ANXA2: variants seen among roughly 807,000 people sequenced by gnomAD.
ANXA2 encodes the protein annexin A2.
ANXA2 carries 28 observed loss-of-function variants against 47.3 expected under a neutral mutation model. That is an observed-to-expected ratio of 0.59 (90% CI 0.44 to 0.81). ANXA2 has a LOEUF of 0.81. ANXA2 is among the 40% of genes least tolerant of loss of function. The probability of loss-of-function intolerance (pLI) is 0.00; values close to 1 mark genes in which losing one functional copy is unlikely to be tolerated. For synonymous variants in ANXA2, 172 were observed against 155.5 expected (o/e 1.11, Z -0.79); for missense variants, 384 against 414.3 (o/e 0.93, Z 0.64).
chr15:60,386,121 G>A (rs1322735679), intron 1 of ANXA2, 35 bp from the exon 2 acceptor site: 1 of 1,491,296 alleles, frequency 6.7e-7, no homozygotes, highest in East Asian at 2.3e-5. Flanking sequence ...TCTTTATGAA[G>A]AGGCTCTCCT....
At chr15:60,382,836 G>T in intron 2 of ANXA2, 1 of 157,902 alleles carries the variant, frequency 6.3e-6, no homozygotes, top group East Asian at 1.8e-4. Context: ...AGGGTGTTTA[G>T]CTAAGTTTCT....
chr15:60,396,251 C>T (rs1413039899), intron 1 of ANXA2: 1 of 152,150 alleles, frequency 6.6e-6, no homozygotes, highest in East Asian at 1.9e-4. Context: ...AGACTCCTCT[C>T]GGTTGCTGAG....
At chr15:60,387,398 T>G (rs1257776724) in intron 1 of ANXA2, among the ~76,000 whole-genome samples, 4 of 152,208 alleles carry the variant, frequency 2.6e-5, no homozygotes, top group African/African-American at 9.6e-5. Context: ...TAATTCTGGT[T>G]TGTAAAAAGT....
chr15:60,361,105 T>A, intron 4 of ANXA2, 51 bp from the exon 5 acceptor site: 2 of 1,292,092 alleles, frequency 1.5e-6, no homozygotes, highest in Non-Finnish European at 2.2e-6. Context: ...ACTTTAAAAC[T>A]AGTGAGTAAA....
At chr15:60,360,849 C>G (rs1012174803) in intron 5 of ANXA2, 92 bp downstream of exon 5, 10 of 838,908 alleles carry the variant, frequency 1.2e-5, no homozygotes, top group African/African-American at 1.0e-4. Flanking sequence ...GAGAATTCAA[C>G]AAAACTGAAA....
chr15:60,394,696 C>T (rs953746981), intron 1 of ANXA2: 1 of 112,770 alleles, frequency 8.9e-6, no homozygotes, highest in African/African-American at 3.0e-5. Flanking sequence ...CAGGCTCCAT[C>T]TCAAAAGAAA....
intron 3 of ANXA2, among the ~76,000 whole-genome samples, chr15:60,377,272 A>C (rs1294615786): frequency 6.6e-6 from 1 of 152,210 alleles, no homozygotes; most frequent in African/African-American, 2.4e-5. Context: ...GAGAAGGAGG[A>C]AGGAACAAAA....
At position 60,347,531 on chromosome 15, in the gene ANXA2, G is replaced by A; in HGVS notation, c.*99C>T. The A allele has an allele frequency of 2.5e-6, 3 of 1,194,130 alleles. No homozygotes were observed. Among genetic ancestry groups the A allele is most frequent in the Non-Finnish European group, 3.7e-6 (3 of 807,416 alleles). The allele number at this position is 1,194,130 out of a possible 1,614,324, so 74.0% of individuals were successfully genotyped here. On this transcript the variant is annotated 3_prime_UTR_variant, in exon 13 of 13. Coordinates refer to ENST00000451270, the MANE Select transcript of ANXA2 (RefSeq NM_004039.3). ...GGTAATGCTAACGTCACCCTCACAG[G>A]GATGGCCACGGGGACTGTTATTCGC...
At chr15:60,379,783 T>G (rs140148327) in intron 3 of ANXA2, among the ~76,000 whole-genome samples, 1 of 152,236 alleles carries the variant, frequency 6.6e-6, no homozygotes, top group East Asian at 1.9e-4. Flanking sequence ...TTGATCAAAC[T>G]GGAATGTCGG....
chr15:60,384,155 C>T (rs967241734), intron 2 of ANXA2: 1 of 152,190 alleles, frequency 6.6e-6, no homozygotes, highest in Middle Eastern at 3.2e-3. Context: ...TTGAAATACT[C>T]AGTGTGTTTG....
At position 60,393,087 on chromosome 15, in the gene ANXA2, G is replaced by T. The variant is rs1008819119; in HGVS notation, c.-12+4856C>A. On this transcript the variant is annotated intron_variant, in intron 1 of 12. Coordinates refer to ENST00000451270, the MANE Select transcript of ANXA2 (RefSeq NM_004039.3). ...CCTTGGTTTTATGGTCTTGATTAAT[G>T]ACTGAGTCACAGGGCCAACTCATTC... 2.3e-6 allele frequency: 3 copies of T among 1,287,416 alleles called. No homozygotes were observed. In the Middle Eastern group the frequency reaches 6.4e-4, roughly 275 times the overall value. The allele number at this position is 1,287,416 out of a possible 1,614,324, so 79.7% of individuals were successfully genotyped here. A position where few individuals can be genotyped will look rare whatever the true frequency, so the allele number is the denominator to read the frequency against.
intron 1 of ANXA2, among the ~76,000 whole-genome samples, chr15:60,391,675 T>A (rs2063012924): frequency 6.6e-6 from 1 of 152,242 alleles, no homozygotes; most frequent in Non-Finnish European, 1.5e-5. Flanking sequence ...GTGTACTTAC[T>A]GTTTTGAATG....
chr15:60,348,999 C>G (rs1895858888), intron 12 of ANXA2, 76 bp downstream of exon 12: 1 of 1,578,312 alleles, frequency 6.3e-7, no homozygotes, highest in South Asian at 1.1e-5. Context: ...ACTCTGTCAT[C>G]ATTCTGCCAG....
chr15:60,384,726 T>C (rs1458359541), intron 2 of ANXA2: 1 of 152,246 alleles, frequency 6.6e-6, no homozygotes, highest in Non-Finnish European at 1.5e-5. Context: ...TTATACTCCA[T>C]ACAACCTGTG....
chr15:60,361,048 C>T lies in ANXA2; in HGVS notation c.250G>A (p.Ala84Thr), dbSNP rs2062505237. Reference sequence around the variant, plus strand: ...GATAAGGCTGACTTCAGTGCTGATGCAAGTTCCTTCAAGATAACAGGCAAT... The same window carrying T: ...GATAAGGCTGACTTCAGTGCTGATGTAAGTTCCTTCAAGATAACAGGCAAT... ...AYQRRTKKEL[A>T]SALKSALSGH... is the part of the protein sequence containing the mutation. The change falls in exon 5 of 13, where the codon GCA becomes ACA. Residue 84 changes from alanine to threonine, a missense_variant. Ala to Thr is a moderately conservative substitution (Grantham distance 58, BLOSUM62 0). Transcript: ENST00000451270. 6.2e-7 allele frequency: 1 copy of T among 1,604,422 alleles called. No homozygotes were observed. Among genetic ancestry groups the T allele is most frequent in the South Asian group, 1.1e-5 (1 of 90,858 alleles).
intron 3 of ANXA2, among the ~76,000 whole-genome samples, chr15:60,381,474 C>T (rs988400099): frequency 7.9e-5 from 12 of 152,100 alleles, no homozygotes; most frequent in Non-Finnish European, 1.2e-4. Context: ...TTAATATAAG[C>T]CCAGAAAGTC....
At chr15:60,353,195 T>G (rs2062375235) in intron 8 of ANXA2, among the ~76,000 whole-genome samples, 1 of 152,254 alleles carries the variant, frequency 6.6e-6, no homozygotes, top group African/African-American at 2.4e-5. Flanking sequence ...TATGACTTAC[T>G]TTGAGATAAT....
chr15:60,382,727 AC>A (rs1194691301), intron 2 of ANXA2: 5 of 238,292 alleles, frequency 2.1e-5, no homozygotes, highest in Non-Finnish European at 3.4e-5. Flanking sequence ...AAAGCTGGAG[AC>A]CTGAAGCCAG....
Position 60,349,122 on chromosome 15 carries a change from A to G in ANXA2, c.913T>C (p.Ser305Pro), listed in dbSNP as rs867892241. ...TTGCCGTACTTTCTCTTGAATTCAG[A>G]CCTAATTTTCAACATGTCCACTTCA... ...RSEVDMLKIR[S>P]EFKRKYGKSL... is the part of the protein sequence containing the mutation. The change falls in exon 12 of 13, where the codon TCT becomes CCT. Residue 305 changes from serine (S) to proline (P), a missense_variant. Ser to Pro is a moderately conservative substitution (Grantham distance 74). Transcript: ENST00000451270. 3 of 1,613,994 alleles carry G rather than the reference A, an allele frequency of 1.9e-6. No individual in the cohort carries two copies. The Middle Eastern group carries it at 4.9e-4, about 266-fold the overall frequency.
Sources: gnomAD v4.1 joint callset for allele counts (sites outside exome capture counted in the v4.1 genomes callset) on GRCh38, gnomAD v4.1.1 for gene constraint, MANE v1.5 for transcripts, NCBI Gene and HGNC (gene_info 2026-07-23, HGNC 2026-07-21) for gene names.